The following ZBTB20 variants were observed in gnomAD, a reference collection of about 807,000 sequenced individuals.
ZBTB20 encodes zinc finger and BTB domain-containing protein 20.
In ZBTB20, 9 loss-of-function variants were observed where a neutral mutation model predicts 56.9. That is an observed-to-expected ratio of 0.16 (90% CI 0.10 to 0.28). The LOEUF (loss-of-function observed/expected upper bound fraction) is 0.28, where lower values mean the gene tolerates loss of function less well. Among genes scored for constraint, ZBTB20 ranks in the 10% least tolerant of loss-of-function variants. The pLI, the probability that ZBTB20 is intolerant of heterozygous loss-of-function variation, is 1.00. For missense variants in ZBTB20, 655 were observed against 1,003.0 expected (o/e 0.65, Z 4.69); for synonymous variants, 417 against 420.7 (o/e 0.99, Z 0.11).
intron 2 of ZBTB20, among the ~76,000 whole-genome samples, chr3:115,023,694 T>G (rs2080299255): frequency 6.6e-6 from 1 of 150,994 alleles, no homozygotes; most frequent in South Asian, 2.1e-4. Flanking sequence ...TTCCTTGTAA[T>G]CTGTCCAAAT....
chr3:114,859,795 G>A (rs999834888), intron 4 of ZBTB20, among the ~76,000 whole-genome samples: 1 of 152,034 alleles, frequency 6.6e-6, no homozygotes, highest in Non-Finnish European at 1.5e-5. Context: ...CATAAATAAA[G>A]CAAAGGTTCA....
At chr3:114,987,049 T>C (rs1418963548) in intron 2 of ZBTB20, among the ~76,000 whole-genome samples, 1 of 152,138 alleles carries the variant, frequency 6.6e-6, no homozygotes, top group African/African-American at 2.4e-5. Flanking sequence ...ATGCTAAAAC[T>C]ATAAAATCTA....
At chr3:114,953,319 GAAGA>G (rs1435418724) in intron 3 of ZBTB20, among the ~76,000 whole-genome samples, 1 of 151,392 alleles carries the variant, frequency 6.6e-6, no homozygotes, top group Non-Finnish European at 1.5e-5. Context: ...AAGGAAAACA[GAAGA>G]AACAAACAGA....
chr3:114,356,788 T>TG (rs35921924), intron 10 of ZBTB20, among the ~76,000 whole-genome samples: 42,100 of 152,006 alleles, frequency 0.28, 7,317 homozygotes, highest in Non-Finnish European at 0.38. Flanking sequence ...TCCTCATATA[T>TG]GCCAAGGGAG....
At chr3:114,662,589 T>C (rs1296138748) in intron 6 of ZBTB20, among the ~76,000 whole-genome samples, 2 of 142,136 alleles carry the variant, frequency 1.4e-5, no homozygotes, top group South Asian at 4.9e-4. Context: ...TTTTTAATGA[T>C]TGCCATTCTA....
chr3:114,988,220 A>G (rs534090451), intron 2 of ZBTB20, among the ~76,000 whole-genome samples: 4 of 149,186 alleles, frequency 2.7e-5, no homozygotes, highest in Admixed American at 6.7e-5. Flanking sequence ...TACATTAGGT[A>G]TATCTCCTAA....
intron 4 of ZBTB20, among the ~76,000 whole-genome samples, chr3:114,868,260 T>C (rs1355172134): frequency 1.3e-5 from 2 of 152,188 alleles, no homozygotes; most frequent in African/African-American, 4.8e-5. Flanking sequence ...GCTGACAAAC[T>C]TCTCAGCATC....
At chr3:114,576,344 A>G (rs2054015108) in intron 6 of ZBTB20, among the ~76,000 whole-genome samples, 1 of 151,484 alleles carries the variant, frequency 6.6e-6, no homozygotes, top group South Asian at 2.1e-4. Flanking sequence ...CTAAAAATAC[A>G]AAAAGAAATT....
At chr3:114,840,362 C>T (rs1018848656) in intron 4 of ZBTB20, among the ~76,000 whole-genome samples, 6 of 152,170 alleles carry the variant, frequency 3.9e-5, no homozygotes, top group African/African-American at 1.4e-4. Flanking sequence ...TTAATTAGAA[C>T]ATATGGGATT....
At chr3:114,426,934 T>C (rs2089724767) in intron 7 of ZBTB20, among the ~76,000 whole-genome samples, 2 of 152,218 alleles carry the variant, frequency 1.3e-5, no homozygotes, top group Non-Finnish European at 2.9e-5. Context: ...TTCAAATTGG[T>C]ATAAAAAACA....
intron 7 of ZBTB20, among the ~76,000 whole-genome samples, chr3:114,427,482 C>T (rs1338095087): frequency 6.6e-6 from 1 of 152,138 alleles, no homozygotes; most frequent in Non-Finnish European, 1.5e-5. Flanking sequence ...TCCAGTGAGC[C>T]CCTCGATCAT....
intron 4 of ZBTB20, among the ~76,000 whole-genome samples, chr3:114,838,522 TG>T (rs1212241836): frequency 6.6e-6 from 1 of 151,908 alleles, no homozygotes; most frequent in Non-Finnish European, 1.5e-5. Context: ...TGTAGAGCCC[TG>T]GAATTGAAGA....
chr3:114,327,064 T>C lies in ZBTB20; in HGVS notation c.*11941A>G, dbSNP rs973622742. The C allele has an allele frequency of 6.6e-6, 1 of 152,144 alleles. No individual in the cohort carries two copies. The highest frequency in any genetic ancestry group is 2.4e-5 in the African/African-American group (1 of 41,418). 9.4% of individuals were successfully genotyped at this position (152,144 alleles called of 1,614,324 possible). The stretch of plus-strand genomic sequence containing the variant: ...TACTATAGTGTTTCTGTCTATTATT[T>C]TGATGCATTAGTTACTGTTAGGGCT... On this transcript the variant is annotated 3_prime_UTR_variant, in exon 12 of 12. Coordinates refer to ENST00000675478, the MANE Select transcript of ZBTB20 (RefSeq NM_001348800.3).
At chr3:115,043,199 C>T (rs187466598) in intron 2 of ZBTB20, among the ~76,000 whole-genome samples, 1 of 152,174 alleles carries the variant, frequency 6.6e-6, no homozygotes, top group East Asian at 1.9e-4. Flanking sequence ...ATTAATGAGC[C>T]TATTTCATGT....
chr3:114,982,118 C>T (rs1467270549), intron 2 of ZBTB20, among the ~76,000 whole-genome samples: 2 of 151,988 alleles, frequency 1.3e-5, no homozygotes, highest in African/African-American at 4.8e-5. Flanking sequence ...AAGCTGACCT[C>T]TCATTTCCTT....
chr3:114,773,759 G>C (rs777309524), intron 5 of ZBTB20, among the ~76,000 whole-genome samples: 1 of 152,122 alleles, frequency 6.6e-6, no homozygotes, highest in Non-Finnish European at 1.5e-5. Flanking sequence ...AGAAAGTCCA[G>C]GCAAATGTAC....
rs571046099 is a variant in ZBTB20 at position 114,334,631 on chromosome 3, C to T, written c.*4374G>A. The stretch of plus-strand genomic sequence containing the variant: ...ATATTTTGATGATACAAAATAAAAC[C>T]CTTATGACTTTTAAACACAGCAAAC... On this transcript the variant is annotated 3_prime_UTR_variant, in exon 12 of 12. Coordinates refer to ENST00000675478, the MANE Select transcript of ZBTB20 (RefSeq NM_001348800.3). 2.6e-4 allele frequency: 40 copies of T among 152,102 alleles called. No homozygotes were observed. The highest frequency in any genetic ancestry group is 9.2e-4 in the African/African-American group (38 of 41,476). The allele number at this position is 152,102 out of a possible 1,614,324, so 9.4% of individuals were successfully genotyped here.
chr3:114,885,604 A>G (rs77076517), intron 4 of ZBTB20, among the ~76,000 whole-genome samples: 132 of 152,214 alleles, frequency 8.7e-4, no homozygotes, highest in African/African-American at 3.0e-3. Flanking sequence ...ATACAAGACA[A>G]ACTAAAACAG....
At chr3:114,462,462 T>C (rs1351144852) in intron 7 of ZBTB20, among the ~76,000 whole-genome samples, 2 of 152,208 alleles carry the variant, frequency 1.3e-5, no homozygotes, top group African/African-American at 4.8e-5. Flanking sequence ...CTATGGCTTG[T>C]GGGATTCAGA....
Sources: allele counts gnomAD v4.1 joint callset (sites outside exome capture counted in the v4.1 genomes callset), GRCh38; gene constraint gnomAD v4.1.1; transcripts MANE v1.5; gene names NCBI Gene and HGNC (gene_info 2026-07-23, HGNC 2026-07-21).